FSTL5: variants seen among roughly 807,000 people sequenced by gnomAD.
The protein encoded by FSTL5 is follistatin like 5, also known as follistatin-related protein 5.
A neutral mutation model predicts 89.1 loss-of-function variants in FSTL5; 62 were observed. The ratio of observed to expected loss-of-function variants is 0.70; its 90% CI spans 0.57 to 0.86. The LOEUF (loss-of-function observed/expected upper bound fraction) is 0.86. FSTL5 is among the 40% of genes least tolerant of loss of function. The pLI is 0.00. For missense variants in FSTL5, 1,057 were observed against 1,001.6 expected (o/e 1.06, Z -0.75); for synonymous variants, 383 against 346.2 (o/e 1.11, Z -1.18).
intron 4 of FSTL5, among the ~76,000 whole-genome samples, chr4:161,878,642 G>C (rs1161463119): frequency 6.6e-6 from 1 of 151,954 alleles, no homozygotes; most frequent in East Asian, 1.9e-4. Flanking sequence ...AAAAATAAGG[G>C]TAATAAGGTC....
chr4:161,403,121 G>A (rs1404261959), intron 15 of FSTL5, among the ~76,000 whole-genome samples: 3 of 152,070 alleles, frequency 2.0e-5, no homozygotes, highest in East Asian at 1.9e-4. Flanking sequence ...GAGCCATGGC[G>A]CCCGGCCCCC....
In FSTL5 at chr4:161,971,340, A is replaced by G. The variant is rs544704039; in HGVS notation, c.161-50688T>C. 8.3e-4 allele frequency among the ~76,000 whole-genome samples: 126 copies of G among 152,300 alleles called. 1 individual carries two copies. The highest frequency in any genetic ancestry group is 2.9e-3 in the African/African-American group (121 of 41,578). On this transcript the variant is annotated intron_variant, in intron 3 of 15. Transcript: ENST00000306100. Reference sequence around the variant, plus strand: ...TTCTACTTTAAAATATCAGAAATTTATGTTACAAATCCCATAGTAAAGTAT... The same window carrying G: ...TTCTACTTTAAAATATCAGAAATTTGTGTTACAAATCCCATAGTAAAGTAT...
chr4:161,669,853 A>T (rs548244515), intron 6 of FSTL5, among the ~76,000 whole-genome samples: 1 of 152,264 alleles, frequency 6.6e-6, no homozygotes, highest in Non-Finnish European at 1.5e-5. Flanking sequence ...AGGTGTTTAT[A>T]CTTTGGTTAT....
intron 4 of FSTL5, among the ~76,000 whole-genome samples, chr4:161,853,520 G>A (rs1354842526): frequency 2.7e-5 from 4 of 150,820 alleles, no homozygotes; most frequent in Admixed American, 2.6e-4. Context: ...CACCTGCCTC[G>A]GCCTCCCTCG....
At chr4:161,861,329 G>A (rs1361845609) in intron 4 of FSTL5, among the ~76,000 whole-genome samples, 5 of 152,160 alleles carry the variant, frequency 3.3e-5, no homozygotes, top group African/African-American at 1.2e-4. Context: ...GGCTGAGGCA[G>A]GGGTATCGTT....
At chr4:162,080,121 A>T (rs1182241087) in intron 2 of FSTL5, among the ~76,000 whole-genome samples, 2 of 151,608 alleles carry the variant, frequency 1.3e-5, no homozygotes, top group Non-Finnish European at 3.0e-5. Context: ...CTGGTCTATC[A>T]CATACTGAGC....
intron 3 of FSTL5, among the ~76,000 whole-genome samples, chr4:161,933,901 T>G (rs370487129): frequency 6.6e-6 from 1 of 152,082 alleles, no homozygotes; most frequent in South Asian, 2.1e-4. Flanking sequence ...AATCACTTTT[T>G]CTACGTAGTT....
intron 2 of FSTL5, among the ~76,000 whole-genome samples, chr4:162,097,272 T>A (rs1730801800): frequency 1.3e-5 from 2 of 151,874 alleles, no homozygotes; most frequent in South Asian, 4.1e-4. Context: ...AATTTCCATT[T>A]TTTTTTAGCA....
intron 8 of FSTL5, among the ~76,000 whole-genome samples, chr4:161,545,935 A>G (rs1731991079): frequency 1.3e-5 from 2 of 152,146 alleles, no homozygotes; most frequent in African/African-American, 4.8e-5. Flanking sequence ...GTCAAGTTTT[A>G]AAAAGCCACA....
chr4:162,051,830 T>A (rs1738387982), intron 2 of FSTL5, among the ~76,000 whole-genome samples: 1 of 151,296 alleles, frequency 6.6e-6, no homozygotes, highest in Non-Finnish European at 1.5e-5. Context: ...AAAAACAGTA[T>A]TTGTGGGAAA....
At position 161,738,106 on chromosome 4, in the gene FSTL5, T is replaced by C. The variant is rs191734444; in HGVS notation, c.727+21305A>G. Among the ~76,000 whole-genome samples the C allele has an allele frequency of 1.3e-4, 20 of 152,230 alleles. No individual in the cohort carries two copies. In the East Asian group the frequency reaches 1.5e-3, roughly 12 times the overall value. Reference sequence around the variant, plus strand: ...GATGACTATTGTCTAATAGTAATTATGTTACACATTTTCTCCTCTTGCACT... The same window carrying C: ...GATGACTATTGTCTAATAGTAATTACGTTACACATTTTCTCCTCTTGCACT... On this transcript the variant is annotated intron_variant, in intron 6 of 15. Coordinates refer to ENST00000306100, the MANE Select transcript of FSTL5 (RefSeq NM_020116.5).
chr4:161,518,741 A>G (rs1730925130), intron 10 of FSTL5, among the ~76,000 whole-genome samples: 1 of 152,232 alleles, frequency 6.6e-6, no homozygotes, highest in African/African-American at 2.4e-5. Context: ...AAACCAAGTA[A>G]ACAAAGTAGG....
chr4:161,821,140 T>G (rs1730481190), intron 4 of FSTL5, among the ~76,000 whole-genome samples: 1 of 152,054 alleles, frequency 6.6e-6, no homozygotes, highest in Admixed American at 6.6e-5. Context: ...TTAGCTCAGG[T>G]GATCCTCCCA....
At chr4:161,667,657 G>C (rs973511807) in intron 6 of FSTL5, among the ~76,000 whole-genome samples, 7 of 151,998 alleles carry the variant, frequency 4.6e-5, no homozygotes, top group African/African-American at 1.7e-4. Context: ...CAAAGTATTT[G>C]ATTCATTTAA....
chr4:161,409,310 C>A (rs895308497), intron 15 of FSTL5, among the ~76,000 whole-genome samples: 6 of 152,102 alleles, frequency 3.9e-5, no homozygotes, highest in African/African-American at 1.4e-4. Context: ...TCCTGCCAAA[C>A]TAAGCATCTT....
chr4:161,404,758 T>C (rs1466737182), intron 15 of FSTL5, among the ~76,000 whole-genome samples: 1 of 151,228 alleles, frequency 6.6e-6, no homozygotes, highest in Non-Finnish European at 1.5e-5. Context: ...GGGAAAATTA[T>C]TTCTAGTGTT....
chr4:161,814,476 T>C (rs1053131565), intron 4 of FSTL5, among the ~76,000 whole-genome samples: 1 of 152,188 alleles, frequency 6.6e-6, no homozygotes, highest in Admixed American at 6.5e-5. Context: ...CATTATTTAT[T>C]TTAAATGTAT....
At chr4:161,740,263 G>A (rs1467222343) in intron 6 of FSTL5, among the ~76,000 whole-genome samples, 6 of 151,896 alleles carry the variant, frequency 4.0e-5, no homozygotes, top group African/African-American at 9.7e-5. Flanking sequence ...CAAGTTATTC[G>A]CCCACCTCGG....
intron 3 of FSTL5, among the ~76,000 whole-genome samples, chr4:161,995,625 G>C (rs1426674516): frequency 6.6e-6 from 1 of 152,062 alleles, no homozygotes; most frequent in East Asian, 1.9e-4. Context: ...TGCTTTCCTA[G>C]GATAGACACT....
Sources: allele counts gnomAD v4.1 joint callset (sites outside exome capture counted in the v4.1 genomes callset), GRCh38; gene constraint gnomAD v4.1.1; transcripts MANE v1.5; gene names NCBI Gene and HGNC (gene_info 2026-07-23, HGNC 2026-07-21).